Variants in NINL observed in about 807,000 individuals in gnomAD.
The protein encoded by NINL is ninein-like protein.
Under a neutral mutation model 160.3 loss-of-function variants are expected in NINL, and 153 were observed. The ratio of observed to expected loss-of-function variants is 0.95; its 90% CI spans 0.84 to 1.09. The LOEUF is 1.09. Ranked by LOEUF, NINL falls within the 50% of genes least tolerant of loss-of-function variation. The pLI is 0.00. For missense variants in NINL, 1,829 were observed against 1,764.0 expected (o/e 1.04, Z -0.66); for synonymous variants, 800 against 734.8 (o/e 1.09, Z -1.43).
rs933204799 is a variant in NINL, at chr20:25,461,463, G to A, written c.3696+59C>T. On this transcript the variant is annotated intron_variant, in intron 21 of 23. Transcript: ENST00000278886. ...GGCCTGGCAACACCGTTGGCACTGC[G>A]GTGATGCTGCTCCCAGGTGGGACTG... The A allele has an allele frequency of 3.4e-5, 35 of 1,036,460 alleles. No individual in the cohort carries two copies. The Admixed American group carries it at 7.4e-4, about 22-fold the overall frequency. The allele number at this position is 1,036,460 out of a possible 1,614,324, so 64.2% of individuals were successfully genotyped here. A position where few individuals can be genotyped will look rare whatever the true frequency, so the allele number is the denominator to read the frequency against.
At chr20:25,472,063 T>G (rs573261645) in intron 17 of NINL, among the ~76,000 whole-genome samples, 86 of 152,010 alleles carry the variant, frequency 5.7e-4, no homozygotes, top group African/African-American at 1.9e-3. Flanking sequence ...AAGAAACTAT[T>G]GACAATGATC....
chr20:25,528,755 A>C (rs2146973675), intron 1 of NINL, among the ~76,000 whole-genome samples: 1 of 152,344 alleles, frequency 6.6e-6, no homozygotes, highest in Non-Finnish European at 1.5e-5. Context: ...CGGCAATTTC[A>C]TATGGTTCAG....
At chr20:25,531,439 G>A (rs1273552214) in intron 1 of NINL, among the ~76,000 whole-genome samples, 1 of 152,232 alleles carries the variant, frequency 6.6e-6, no homozygotes, top group African/African-American at 2.4e-5. Flanking sequence ...GACTGGGGAA[G>A]TGATAAGTGT....
At chr20:25,563,184 A>G (rs1007786487) in intron 1 of NINL, among the ~76,000 whole-genome samples, 1 of 152,166 alleles carries the variant, frequency 6.6e-6, no homozygotes, top group Non-Finnish European at 1.5e-5. Context: ...TAAGAGCTAC[A>G]TAAATAGACT....
intron 4 of NINL, among the ~76,000 whole-genome samples, chr20:25,512,503 A>G (rs1189072561): frequency 3.9e-5 from 6 of 152,146 alleles, no homozygotes; most frequent in Non-Finnish European, 8.8e-5. Flanking sequence ...TTCTCCAGTC[A>G]TGTAAGACAT....
Position 25,476,579 on chromosome 20 carries a change from C to G in NINL, c.2712G>C (p.Glu904Asp). 1 of 1,599,354 alleles carries G rather than the reference C, an allele frequency of 6.3e-7. No homozygotes were observed. The highest frequency in any genetic ancestry group is 8.5e-7 in the Non-Finnish European group (1 of 1,179,678). The change falls in exon 17 of 24, where the codon GAG becomes GAC. Residue 904 changes from glutamate to aspartate, a missense_variant. Coordinates refer to ENST00000278886, the MANE Select transcript of NINL (RefSeq NM_025176.6). Reference sequence around the variant, plus strand: ...CACAGGGCTGCATGCGTGACCACCTCTCTGAGGGGCCGTGGGATGCCGGGG... The same window carrying G: ...CACAGGGCTGCATGCGTGACCACCTGTCTGAGGGGCCGTGGGATGCCGGGG... Reference protein sequence around the residue: ...APAPASHGPSERWSRMQPCGV... With the variant: ...APAPASHGPSDRWSRMQPCGV...
chr20:25,577,923 C>T (rs897625123), intron 1 of NINL, among the ~76,000 whole-genome samples: 16 of 151,684 alleles, frequency 1.1e-4, no homozygotes, highest in African/African-American at 7.3e-5. Flanking sequence ...ATCTCCACCT[C>T]GCAGGTTCAA....
intron 1 of NINL, among the ~76,000 whole-genome samples, chr20:25,577,080 G>A (rs1002413585): frequency 6.6e-5 from 10 of 152,128 alleles, no homozygotes; most frequent in Non-Finnish European, 1.3e-4. Context: ...TCCGAAATTG[G>A]GCATCCACGT....
intron 22 of NINL, among the ~76,000 whole-genome samples, chr20:25,457,699 C>G: frequency 6.6e-6 from 1 of 152,240 alleles, no homozygotes; most frequent in Non-Finnish European, 1.5e-5. Flanking sequence ...CTCCTGAAGT[C>G]TGTCCCTGAT....
chr20:25,491,716 C>T (rs933581515), intron 10 of NINL, among the ~76,000 whole-genome samples, 191 bp from the exon 11 acceptor site: 18 of 152,212 alleles, frequency 1.2e-4, no homozygotes, highest in African/African-American at 4.3e-4. Flanking sequence ...TCACAGGCTG[C>T]TGGAGGTGAC....
chr20:25,481,684 G>A (rs563772871), intron 14 of NINL, among the ~76,000 whole-genome samples: 3 of 152,308 alleles, frequency 2.0e-5, no homozygotes, highest in East Asian at 1.9e-4. Flanking sequence ...AGCAAGTACC[G>A]TGTCACTGAA....
Position 25,496,713 on chromosome 20 carries a change from CT to C in NINL, c.1259del (p.Glu420GlyfsTer28). 6.2e-7 allele frequency: 1 copy of C among 1,614,134 alleles called. No individual in the cohort carries two copies. Among genetic ancestry groups the C allele is most frequent in the Non-Finnish European group, 8.5e-7 (1 of 1,180,038 alleles). ...CCAGGGTGGAGTGGCAGTCGTCCAT[CT>C]CTTTCACAAACTCCAGGTTCCTCTT... ...AEKRNLEFVK[E>X]MDDCHSTLEQ... On this transcript the variant is annotated frameshift_variant, in exon 10 of 24. Coordinates refer to ENST00000278886, the MANE Select transcript of NINL (RefSeq NM_025176.6). LOFTEE classifies it high-confidence loss of function.
intron 17 of NINL, among the ~76,000 whole-genome samples, chr20:25,474,468 G>GA: frequency 6.6e-6 from 1 of 152,250 alleles, no homozygotes; most frequent in Non-Finnish European, 1.5e-5. Context: ...ACGGACAGCA[G>GA]ACATTCCAAG....
chr20:25,514,371 T>G (rs538721278), intron 3 of NINL, among the ~76,000 whole-genome samples: 1 of 152,232 alleles, frequency 6.6e-6, no homozygotes, highest in South Asian at 2.1e-4. Flanking sequence ...GCATTCAAGA[T>G]GTGCCCTGGC....
chr20:25,467,264 A>T (rs942051559), intron 19 of NINL, 125 bp downstream of exon 19: 4 of 863,370 alleles, frequency 4.6e-6, no homozygotes, highest in Non-Finnish European at 7.7e-6. Context: ...GGGGCCAGTC[A>T]GCAACTCACT....
At chr20:25,499,050 G>T (rs928724278) in intron 8 of NINL, 1 of 985,274 alleles carries the variant, frequency 1.0e-6, no homozygotes, top group African/African-American at 1.7e-5. Flanking sequence ...GGCTACAAAC[G>T]CCCTGCTCAG....
At position 25,500,957 on chromosome 20, in the gene NINL, C is replaced by G; in HGVS notation, c.915G>C (p.Leu305=). The stretch of plus-strand genomic sequence containing the variant: ...TGGAGAAGAGGCGCAGGCTGGAGCA[C>G]AGGGACACGAGGGATGAGGTTGTGG... ...HTTTTSSLVS[L]CSSLRLFSSI... is the part of the protein sequence containing the mutation. The change falls in exon 8 of 24, where the codon CTG becomes CTC. Residue 305 remains leucine, a synonymous_variant. Transcript: ENST00000278886. 6.2e-7 allele frequency: 1 copy of G among 1,614,192 alleles called. No individual in the cohort carries two copies. Among genetic ancestry groups the G allele is most frequent in the Non-Finnish European group, 8.5e-7 (1 of 1,180,036 alleles).
chr20:25,503,879 G>A, intron 7 of NINL, 73 bp downstream of exon 7: 2 of 1,564,662 alleles, frequency 1.3e-6, no homozygotes, highest in East Asian at 2.2e-5. Flanking sequence ...GGCAGGGAGG[G>A]AGTCAGCAGT....
intron 1 of NINL, among the ~76,000 whole-genome samples, chr20:25,537,689 G>A (rs2064583623): frequency 6.6e-6 from 1 of 152,150 alleles, no homozygotes; most frequent in East Asian, 1.9e-4. Context: ...CCCTCTGGAG[G>A]GACAGCCCTG....
Sources: gnomAD v4.1 joint callset for allele counts (sites outside exome capture counted in the v4.1 genomes callset) on GRCh38, gnomAD v4.1.1 for gene constraint, MANE v1.5 for transcripts, NCBI Gene and HGNC (gene_info 2026-07-23, HGNC 2026-07-21) for gene names.